ELL2: variants seen among roughly 807,000 people sequenced by gnomAD.
The protein encoded by ELL2 is elongation factor for RNA polymerase II 2, also known as RNA polymerase II elongation factor ELL2.
Under a neutral mutation model 72.8 loss-of-function variants are expected in ELL2, and 21 were observed. The ratio of observed to expected loss-of-function variants is 0.29; its 90% CI spans 0.20 to 0.42. The LOEUF is 0.42. Among genes scored for constraint, ELL2 ranks in the 10% least tolerant of loss-of-function variants. The probability of loss-of-function intolerance (pLI) is 1.00; values close to 1 mark genes in which losing one functional copy is unlikely to be tolerated. For missense variants in ELL2, 568 were observed against 772.8 expected (o/e 0.73, Z 3.14); for synonymous variants, 266 against 283.2 (o/e 0.94, Z 0.61).
intron 1 of ELL2, among the ~76,000 whole-genome samples, chr5:95,945,051 C>G (rs1751105125): frequency 6.6e-6 from 1 of 152,152 alleles, no homozygotes; most frequent in Non-Finnish European, 1.5e-5. Flanking sequence ...GCTCACTGAA[C>G]CTGTTGGGTG....
rs35528842 is a variant in ELL2 at position 95,898,353 on chromosome 5, TC to T, written c.1411del (p.Glu471LysfsTer5). The T allele has an allele frequency of 6.2e-7, 1 of 1,613,644 alleles. No homozygotes were observed. Among genetic ancestry groups the T allele is most frequent in the Non-Finnish European group, 8.5e-7 (1 of 1,179,882 alleles). ...KSKKKSKKHK[E>X]KDQIKKHDIE... Reference sequence around the variant, plus strand: ...GTCGTGCTTTTTTATTTGGTCCTTTTCCTTATGTTTTTTAGACTTCTTTTTG... The same window carrying T: ...GTCGTGCTTTTTTATTTGGTCCTTTTCTTATGTTTTTTAGACTTCTTTTTG... On this transcript the variant is annotated frameshift_variant, in exon 8 of 12. Coordinates refer to ENST00000237853, the MANE Select transcript of ELL2 (RefSeq NM_012081.6). LOFTEE classifies it high-confidence loss of function.
intron 2 of ELL2, among the ~76,000 whole-genome samples, chr5:95,921,403 C>A (rs980934690): frequency 1.3e-5 from 2 of 152,158 alleles, no homozygotes; most frequent in African/African-American, 4.8e-5. Flanking sequence ...CAACTCCTGG[C>A]ACAAGTTTCT....
intron 1 of ELL2, among the ~76,000 whole-genome samples, chr5:95,943,567 G>A (rs1362831590): frequency 2.6e-5 from 4 of 152,136 alleles, no homozygotes; most frequent in African/African-American, 9.7e-5. Flanking sequence ...ATTTTTAATA[G>A]GGGTGGGAGG....
chr5:95,958,563 C>T (rs1218699094), intron 1 of ELL2, among the ~76,000 whole-genome samples: 1 of 152,214 alleles, frequency 6.6e-6, no homozygotes, highest in Non-Finnish European at 1.5e-5. Flanking sequence ...CCAATTCCTG[C>T]TTGCTTGTCC....
intron 2 of ELL2, among the ~76,000 whole-genome samples, chr5:95,937,801 G>A (rs542129426): frequency 6.6e-6 from 1 of 152,286 alleles, no homozygotes; most frequent in East Asian, 1.9e-4. Flanking sequence ...ATTCAGAGCC[G>A]ACTGACTAAA....
In ELL2 at chr5:95,898,555, C is replaced by T; in HGVS notation, c.1210G>A (p.Gly404Ser). ...SNSNSPSTPE[G>S]RGTQDLPVDS... ...ACAGGTAGGTCTTGAGTCCCCCGGC[C>T]TTCTGGAGTGCTAGGGGAGTTGGAG... The change falls in exon 8 of 12, where the codon GGC (glycine) becomes AGC (serine). Residue 404 changes from glycine (G) to serine (S), a missense_variant. Gly to Ser is a moderately conservative substitution (Grantham distance 56). Around this residue, in one of 2 missense-constraint regions of ELL2, gnomAD observed 511 missense variants for 728.4 expected, o/e 0.70. Coordinates refer to ENST00000237853, the MANE Select transcript of ELL2 (RefSeq NM_012081.6). 1 of 1,613,982 alleles carries T rather than the reference C, an allele frequency of 6.2e-7. No individual in the cohort carries two copies. Among genetic ancestry groups the T allele is most frequent in the Non-Finnish European group, 8.5e-7 (1 of 1,180,012 alleles).
chr5:95,901,712 A>T (rs552903319), intron 5 of ELL2, among the ~76,000 whole-genome samples: 1 of 152,330 alleles, frequency 6.6e-6, no homozygotes, highest in African/African-American at 2.4e-5. Flanking sequence ...ATGGCTAGTG[A>T]CTAATGGGGG....
At chr5:95,955,302 A>C (rs1373514482) in intron 1 of ELL2, among the ~76,000 whole-genome samples, 1 of 152,228 alleles carries the variant, frequency 6.6e-6, no homozygotes, top group Non-Finnish European at 1.5e-5. Flanking sequence ...CTTTCTGTAG[A>C]GGTCAATTCA....
intron 3 of ELL2, among the ~76,000 whole-genome samples, chr5:95,917,137 G>A (rs934261058): frequency 6.6e-6 from 1 of 151,950 alleles, no homozygotes; most frequent in African/African-American, 2.4e-5. Context: ...CATTTCCTTC[G>A]CTTAAGTGTG....
In ELL2 at chr5:95,894,851, G is replaced by A. The variant is rs1282919013; in HGVS notation, c.1589+777C>T. 3.3e-5 allele frequency among the ~76,000 whole-genome samples: 5 copies of A among 152,194 alleles called. No individual in the cohort carries two copies. The East Asian group carries it at 9.6e-4, about 29-fold the overall frequency. ...GAGATGCTACTAATAGAAAAAAAGT[G>A]TTCAGACAGCCCAGATTCCATTTTC... On this transcript the variant is annotated intron_variant, in intron 9 of 11. Coordinates refer to ENST00000237853, the MANE Select transcript of ELL2 (RefSeq NM_012081.6).
chr5:95,926,738 C>A (rs1038880948), intron 2 of ELL2, among the ~76,000 whole-genome samples: 1 of 152,100 alleles, frequency 6.6e-6, no homozygotes, highest in African/African-American at 2.4e-5. Context: ...AAAAATAATT[C>A]CTGAGAACTG....
intron 2 of ELL2, among the ~76,000 whole-genome samples, chr5:95,935,101 G>C (rs1209832649): frequency 6.6e-6 from 1 of 151,912 alleles, no homozygotes; most frequent in African/African-American, 2.4e-5. Context: ...TCCCTTCATG[G>C]GTAACCACTG....
intron 2 of ELL2, among the ~76,000 whole-genome samples, chr5:95,933,706 G>C (rs1750678070): frequency 6.6e-6 from 1 of 151,854 alleles, no homozygotes; most frequent in East Asian, 1.9e-4. Flanking sequence ...AACAATAAAG[G>C]CTGCATAAAA....
At chr5:95,942,015 C>T (rs1488239500) in intron 2 of ELL2, among the ~76,000 whole-genome samples, 1 of 152,226 alleles carries the variant, frequency 6.6e-6, no homozygotes, top group African/African-American at 2.4e-5. Context: ...ACTCTGACAT[C>T]CACACAAACA....
chr5:95,940,525 T>A (rs1750932809), intron 2 of ELL2, among the ~76,000 whole-genome samples: 1 of 152,134 alleles, frequency 6.6e-6, no homozygotes, highest in Non-Finnish European at 1.5e-5. Context: ...AAACAGAAAA[T>A]GATTTTAACA....
intron 4 of ELL2, among the ~76,000 whole-genome samples, chr5:95,908,641 T>C (rs1213671266): frequency 1.3e-5 from 2 of 152,300 alleles, no homozygotes; most frequent in East Asian, 3.9e-4. Context: ...GAATACACAC[T>C]GAAATTTCTA....
At chr5:95,955,303 G>C (rs1751588719) in intron 1 of ELL2, among the ~76,000 whole-genome samples, 1 of 152,160 alleles carries the variant, frequency 6.6e-6, no homozygotes, top group African/African-American at 2.4e-5. Flanking sequence ...TTTCTGTAGA[G>C]GTCAATTCAA....
chr5:95,916,682 G>T (rs938080191), intron 3 of ELL2, among the ~76,000 whole-genome samples: 1 of 152,044 alleles, frequency 6.6e-6, no homozygotes, highest in Non-Finnish European at 1.5e-5. Context: ...GAATGTAAGA[G>T]AGGTTGTTTT....
At chr5:95,917,491 A>G (rs1378229871) in intron 3 of ELL2, among the ~76,000 whole-genome samples, 1 of 152,188 alleles carries the variant, frequency 6.6e-6, no homozygotes, top group Non-Finnish European at 1.5e-5. Context: ...AAAGATCCAT[A>G]AGGAAAATGG....
Sources: allele counts gnomAD v4.1 joint callset (sites outside exome capture counted in the v4.1 genomes callset), GRCh38; gene constraint gnomAD v4.1.1; regional missense constraint gnomAD v4.1.1; transcripts MANE v1.5; gene names NCBI Gene and HGNC (gene_info 2026-07-23, HGNC 2026-07-21).